The following RBBP8 variants were observed in gnomAD, a reference collection of about 807,000 sequenced individuals.
RBBP8 encodes the protein RB binding protein 8, endonuclease.
RBBP8 carries 88 observed loss-of-function variants against 108.3 expected under a neutral mutation model. The ratio of observed to expected loss-of-function variants is 0.81; its 90% CI spans 0.68 to 0.97. The LOEUF (loss-of-function observed/expected upper bound fraction) is 0.97, where lower values mean the gene tolerates loss of function less well. Among genes scored for constraint, RBBP8 ranks in the 50% least tolerant of loss-of-function variants. The pLI is 0.00. For synonymous variants in RBBP8, 332 were observed against 348.2 expected, an observed-to-expected ratio of 0.95 and a Z score of 0.52; for missense variants, 1,023 against 1,049.0, an observed-to-expected ratio of 0.98 and a Z score of 0.34.
At chr18:23,015,252 T>TG (rs2046236700) in intron 16 of RBBP8, among the ~76,000 whole-genome samples, 1 of 152,144 alleles carries the variant, frequency 6.6e-6, no homozygotes. Context: ...ATGAATCTGT[T>TG]CTCTGGGCAG....
At chr18:22,926,090 T>C (rs1172422030) in intron 3 of RBBP8, among the ~76,000 whole-genome samples, 3 of 152,162 alleles carry the variant, frequency 2.0e-5, no homozygotes, top group African/African-American at 7.2e-5. Context: ...GCATTATAAA[T>C]AGATGACATG....
At chr18:23,017,741 C>CTTTTTTTTTTT (rs928545363) in intron 17 of RBBP8, among the ~76,000 whole-genome samples, 1 of 89,196 alleles carries the variant, frequency 1.1e-5, no homozygotes, top group Non-Finnish European at 2.0e-5. Flanking sequence ...AATATAAGTT[C>CTTTTTTTTTTT]TTTTTTTTTT....
At chr18:22,962,985 A>C (rs1208547206) in intron 4 of RBBP8, among the ~76,000 whole-genome samples, 2 of 152,110 alleles carry the variant, frequency 1.3e-5, no homozygotes, top group African/African-American at 2.4e-5. Context: ...TGTCTCTTCT[A>C]CCAGATTCCA....
At chr18:22,997,096 C>T (rs1169907414) in intron 13 of RBBP8, among the ~76,000 whole-genome samples, 1 of 151,938 alleles carries the variant, frequency 6.6e-6, no homozygotes, top group Non-Finnish European at 1.5e-5. Context: ...AATAATGTAC[C>T]ATAAAATTCA....
At chr18:22,925,985 G>C (rs1170717121) in intron 3 of RBBP8, among the ~76,000 whole-genome samples, 3 of 152,108 alleles carry the variant, frequency 2.0e-5, no homozygotes, top group African/African-American at 2.4e-5. Flanking sequence ...AAGTGCCAGG[G>C]TTAGAAAAAA....
At chr18:23,002,067 G>A (rs2045958538) in intron 15 of RBBP8, among the ~76,000 whole-genome samples, 1 of 152,074 alleles carries the variant, frequency 6.6e-6, no homozygotes, top group Non-Finnish European at 1.5e-5. Context: ...TTTGAGAAAT[G>A]TCTATTAATT....
chr18:23,017,000 G>A (rs564216105), intron 17 of RBBP8, 76 bp downstream of exon 17: 9 of 1,085,700 alleles, frequency 8.3e-6, no homozygotes, highest in East Asian at 2.5e-5. Context: ...TTAAAATCAC[G>A]TATACAAACC....
chr18:23,009,743 A>G (rs965227106), intron 16 of RBBP8, among the ~76,000 whole-genome samples: 9 of 152,128 alleles, frequency 5.9e-5, no homozygotes, highest in Admixed American at 6.6e-5. Context: ...CATGACTCAT[A>G]TAGAATATTA....
chr18:23,011,258 T>C (rs2046154745), intron 16 of RBBP8, among the ~76,000 whole-genome samples: 1 of 152,228 alleles, frequency 6.6e-6, no homozygotes, highest in Non-Finnish European at 1.5e-5. Flanking sequence ...TTGCAGATAC[T>C]GTTTTTTACA....
chr18:22,974,686 C>G (rs534974856), intron 5 of RBBP8, among the ~76,000 whole-genome samples: 1 of 152,290 alleles, frequency 6.6e-6, no homozygotes, highest in African/African-American at 2.4e-5. Flanking sequence ...TCTCGAACTC[C>G]TCACCTCAAA....
intron 18 of RBBP8, among the ~76,000 whole-genome samples, chr18:23,022,651 T>TAAAATAAAATAAA (rs370599195): frequency 8.3e-5 from 7 of 84,360 alleles, no homozygotes; most frequent in African/African-American, 1.1e-4. Flanking sequence ...TAAAATACAA[T>TAAAATAAAATAAA]ATAAAATAAA....
At chr18:23,000,991 G>A (rs933033476) in intron 14 of RBBP8, among the ~76,000 whole-genome samples, 3 of 152,124 alleles carry the variant, frequency 2.0e-5, no homozygotes, top group African/African-American at 7.2e-5. Flanking sequence ...AATATTCTTA[G>A]AATCATGTTA....
chr18:23,022,663 T>TAAAATAAAATAAAATAAAATAAAATAA (rs1555650172), intron 18 of RBBP8, among the ~76,000 whole-genome samples: 1 of 99,742 alleles, frequency 1.0e-5, no homozygotes, highest in African/African-American at 3.0e-5. Flanking sequence ...TAAAATAAAA[T>TAAAATAAAATAAAATAAAATAAAATAA]AAAATAAATA....
chr18:22,974,584 C>G (rs1317813429), intron 5 of RBBP8, among the ~76,000 whole-genome samples: 3 of 152,072 alleles, frequency 2.0e-5, no homozygotes, highest in African/African-American at 7.2e-5. Flanking sequence ...GCCTCCACCT[C>G]GAATAGCTGG....
chr18:22,963,951 T>G (rs1024546463), intron 4 of RBBP8, among the ~76,000 whole-genome samples: 2 of 152,132 alleles, frequency 1.3e-5, no homozygotes, highest in African/African-American at 2.4e-5. Context: ...GAAGCAAAAT[T>G]TTTGAGATTT....
At chr18:22,956,013 T>C (rs1035684791) in intron 4 of RBBP8, among the ~76,000 whole-genome samples, 6 of 152,236 alleles carry the variant, frequency 3.9e-5, no homozygotes, top group Admixed American at 3.9e-4. Flanking sequence ...GTATTTGTGC[T>C]TGATCTAAAG....
Position 22,955,906 on chromosome 18 carries a change from G to A in RBBP8, c.248+6193G>A, listed in dbSNP as rs115993901. On this transcript the variant is annotated intron_variant, in intron 4 of 18. Coordinates refer to ENST00000327155, the MANE Select transcript of RBBP8 (RefSeq NM_002894.3). ...GGTTTATATCTTAAATCTGATCCCC[G>A]CTTCCATTTTTACTATTTCATGATG... is the stretch of plus-strand genomic sequence containing the variant. Among the ~76,000 whole-genome samples, 591 of 152,114 alleles carry A rather than the reference G, an allele frequency of 3.9e-3. 1 individual carries two copies. The highest frequency in any genetic ancestry group is 0.014 in the African/African-American group (569 of 41,480).
At position 22,993,283 on chromosome 18, in the gene RBBP8, G is replaced by A. The variant is rs1323059610; in HGVS notation, c.1456G>A (p.Val486Met). 2 of 1,614,232 alleles carry A rather than the reference G, an allele frequency of 1.2e-6. No homozygotes were observed. The highest frequency in any genetic ancestry group is 1.7e-6 in the Non-Finnish European group (2 of 1,180,028). Residue 486 changes from valine to methionine, a missense_variant, in exon 11 of 19, where the codon GTG becomes ATG. Val to Met is a conservative substitution (Grantham distance 21). Transcript: ENST00000327155. ...TCAGTTTTCCATGAATGGAGACTGT[G>A]TGATGGATAAACCTCTGGATCTGTC... ...DNQFSMNGDC[V>M]MDKPLDLSDR...
At chr18:22,942,629 G>C (rs1911195550) in intron 2 of RBBP8, among the ~76,000 whole-genome samples, 1 of 152,002 alleles carries the variant, frequency 6.6e-6, no homozygotes, top group African/African-American at 2.4e-5. Context: ...TAGTATCAGT[G>C]TCACAGATTG....
Sources: allele counts gnomAD v4.1 joint callset (sites outside exome capture counted in the v4.1 genomes callset), GRCh38; gene constraint gnomAD v4.1.1; transcripts MANE v1.5; gene names NCBI Gene and HGNC (gene_info 2026-07-23, HGNC 2026-07-21).